The following BSN variants were observed in gnomAD, a reference collection of about 807,000 sequenced individuals.
BSN encodes the protein bassoon presynaptic cytomatrix protein.
Under a neutral mutation model 264.8 loss-of-function variants are expected in BSN, and 57 were observed. The observed-to-expected ratio is 0.22, with a 90% CI of 0.17 to 0.27. BSN has a LOEUF of 0.27. Ranked by LOEUF, BSN falls within the 10% of genes least tolerant of loss-of-function variation. BSN has a pLI of 1.00. For synonymous variants in BSN, 2,059 were observed against 2,137.3 expected (o/e 0.96, Z 1.01); for missense variants, 4,615 against 5,232.5 (o/e 0.88, Z 3.64).
At chr3:49,571,695 T>TA (rs2051797147) in intron 1 of BSN, among the ~76,000 whole-genome samples, 1 of 152,066 alleles carries the variant, frequency 6.6e-6, no homozygotes, top group African/African-American at 2.4e-5. Context: ...CCAACTGCCA[T>TA]GGACATGGGG....
At position 49,670,895 on chromosome 3, in the gene BSN, A is replaced by C. The variant is rs2052749792; in HGVS notation, c.*3410A>C. 1 of 152,216 alleles carries C rather than the reference A, an allele frequency of 6.6e-6. No homozygotes were observed. Among genetic ancestry groups the C allele is most frequent in the Admixed American group, 6.5e-5 (1 of 15,282 alleles). 9.4% of individuals were successfully genotyped at this position (152,216 alleles called of 1,614,324 possible). A position where few individuals can be genotyped will look rare whatever the true frequency, so the allele number is the denominator to read the frequency against. On this transcript the variant is annotated 3_prime_UTR_variant, in exon 12 of 12. Transcript: ENST00000296452. ...GAGTTTTCCAGGCAGGTCCTTTGCC[A>C]GGACAGCATGGTCCTGCCCTGTTGT...
rs142305207 is a variant in BSN at position 49,653,577 on chromosome 3, C to A, written c.4021C>A (p.Arg1341Ser). 6.2e-7 allele frequency: 1 copy of A among 1,613,722 alleles called. No homozygotes were observed. Among genetic ancestry groups the A allele is most frequent in the Non-Finnish European group, 8.5e-7 (1 of 1,179,984 alleles). Residue 1341 changes from arginine to serine, a missense_variant, in exon 5 of 12, where the codon CGT (arginine) becomes AGT (serine). By Grantham distance (110) the Arg-to-Ser change is moderately radical. This residue lies in a region of BSN where 3,415 missense variants were observed against 3,866.4 expected (regional missense o/e 0.88). Coordinates refer to ENST00000296452, the MANE Select transcript of BSN (RefSeq NM_003458.4). This position sits in a 1 kb window ranked among gnomAD's most constrained non-coding sequence, Gnocchi z 6.3. Reference protein sequence around the residue: ...SSGGRVIPDVRVTQHFAKETQ... With the variant: ...SSGGRVIPDVSVTQHFAKETQ... ...CGGGGGCCGAGTTATTCCCGATGTC[C>A]GTGTCACTCAGCATTTTGCAAAGGA...
chr3:49,565,981 CCTGA>C (rs1261372125), intron 1 of BSN, among the ~76,000 whole-genome samples: 6 of 152,120 alleles, frequency 3.9e-5, no homozygotes, highest in African/African-American at 1.4e-4. Flanking sequence ...CACCACCATT[CCTGA>C]CTAATTTTTG....
rs1347649244 is a variant in BSN at position 49,572,380 on chromosome 3, A to AT, written c.224+17557dup. The stretch of plus-strand genomic sequence containing the variant: ...GAGTGGGTGATGGATCAAGGAACAC[A>AT]TTTAGGGGAAAATATCACAATCCAA... On this transcript the variant is annotated intron_variant, in intron 1 of 11. Coordinates refer to ENST00000296452, the MANE Select transcript of BSN (RefSeq NM_003458.4). Among the ~76,000 whole-genome samples the AT allele has an allele frequency of 3.3e-5, 5 of 152,120 alleles. No individual in the cohort carries two copies. The East Asian group carries it at 7.7e-4, about 23-fold the overall frequency.
chr3:49,583,264 T>G (rs2051908605), intron 1 of BSN, among the ~76,000 whole-genome samples: 1 of 152,126 alleles, frequency 6.6e-6, no homozygotes, highest in African/African-American at 2.4e-5. Flanking sequence ...CCACTGTGTC[T>G]GGAACATTGA....
Position 49,581,185 on chromosome 3 carries a change from A to G in BSN, c.224+26359A>G, listed in dbSNP as rs569226224. On this transcript the variant is annotated intron_variant, in intron 1 of 11. Coordinates refer to ENST00000296452, the MANE Select transcript of BSN (RefSeq NM_003458.4). ...TTAGTAGTAAAGACTGGGTTTCGCC[A>G]TGTTGGCCAGGCTGGTCTTGAACTC... Among the ~76,000 whole-genome samples the G allele has an allele frequency of 7.9e-5, 12 of 152,128 alleles. No homozygotes were observed. The South Asian group carries it at 1.2e-3, about 16-fold the overall frequency.
intron 1 of BSN, among the ~76,000 whole-genome samples, chr3:49,605,992 AT>A (rs1284188495): frequency 1.1e-5 from 1 of 92,978 alleles, no homozygotes; most frequent in African/African-American, 4.4e-5. Context: ...TAAATAAAAA[AT>A]ATATATTTAT....
intron 2 of BSN, among the ~76,000 whole-genome samples, chr3:49,637,980 ACCTTAGGGTAGCCCCAGGAAGGCT>A (rs2052431638): frequency 6.6e-6 from 1 of 152,212 alleles, no homozygotes; most frequent in Non-Finnish European, 1.5e-5. Flanking sequence ...AGAGCTGTCC[ACCTTAGGGTAGCCCCAGGAAGGCT>A]CCTGAGACAC....
At chr3:49,557,579 T>TG (rs1415764276) in intron 1 of BSN, among the ~76,000 whole-genome samples, 2 of 149,574 alleles carry the variant, frequency 1.3e-5, no homozygotes, top group African/African-American at 4.9e-5. Context: ...CTGTCAGTTT[T>TG]TTTTTTTTTT....
chr3:49,661,939 T>A lies in BSN; in HGVS notation c.10094T>A (p.Met3365Lys), dbSNP rs1237012744. 6.2e-7 allele frequency: 1 copy of A among 1,613,936 alleles called. No individual in the cohort carries two copies. Among genetic ancestry groups the A allele is most frequent in the South Asian group, 1.1e-5 (1 of 91,078 alleles). ...CGCAGCAAGCACCGGAAGCAGGGCA[T>A]GGAGCAAAAGATATCCAAGTTCTCG... ...SKRSKHRKQG[M>K]EQKISKFSPI... Residue 3365 changes from methionine (M) to lysine (K), a missense_variant, in exon 6 of 12, where the codon ATG (methionine) becomes AAG (lysine). By Grantham distance (95) the Met-to-Lys change is moderately conservative (BLOSUM62 -1). Coordinates refer to ENST00000296452, the MANE Select transcript of BSN (RefSeq NM_003458.4).
At chr3:49,620,350 G>T (rs772716599) in intron 1 of BSN, among the ~76,000 whole-genome samples, 1 of 151,704 alleles carries the variant, frequency 6.6e-6, no homozygotes, top group Non-Finnish European at 1.5e-5. Context: ...GCTTGAACCC[G>T]GGAGGCGGAG....
chr3:49,656,408 A>G lies in BSN; in HGVS notation c.6852A>G (p.Lys2284=). Residue 2284 remains lysine, a synonymous_variant, in exon 5 of 12, where the codon AAA becomes AAG. Transcript: ENST00000296452. ...CAGAAGGGCCTGTCTATCTGGGGAA[A>G]CCTGCTGCTGCCAAGGCCCCTGGGG... ...PPAEGPVYLG[K]PAAAKAPGAG... 1 of 1,589,626 alleles carries G rather than the reference A, an allele frequency of 6.3e-7. No homozygotes were observed. Among genetic ancestry groups the G allele is most frequent in the Non-Finnish European group, 8.6e-7 (1 of 1,167,310 alleles).
At chr3:49,665,466 C>G (rs2052706069) in intron 11 of BSN, 148 bp downstream of exon 11, 1 of 152,328 alleles carries the variant, frequency 6.6e-6, no homozygotes, top group Non-Finnish European at 1.5e-5. Context: ...AGCCCTCTAC[C>G]CCGCAGAGGC....
At chr3:49,659,052 G>A (rs2052633177) in intron 5 of BSN, among the ~76,000 whole-genome samples, 1 of 152,232 alleles carries the variant, frequency 6.6e-6, no homozygotes, top group African/African-American at 2.4e-5. Flanking sequence ...ATGTGGGAGG[G>A]TGGGCTGAAG....
At chr3:49,614,233 G>A (rs2052239391) in intron 1 of BSN, among the ~76,000 whole-genome samples, 1 of 151,818 alleles carries the variant, frequency 6.6e-6, no homozygotes, top group Non-Finnish European at 1.5e-5. Flanking sequence ...CTAATTTTTT[G>A]TATTTTTAGT....
chr3:49,660,908 G>A lies in BSN; in HGVS notation c.9063G>A (p.Arg3021=). The A allele has an allele frequency of 1.2e-6, 2 of 1,612,550 alleles. No individual in the cohort carries two copies. The highest frequency in any genetic ancestry group is 1.7e-6 in the Non-Finnish European group (2 of 1,179,980). The change falls in exon 6 of 12, where the codon CGG becomes CGA. Residue 3021 remains arginine, a synonymous_variant. Coordinates refer to ENST00000296452, the MANE Select transcript of BSN (RefSeq NM_003458.4). The surrounding 1 kb of genome is among the most constrained non-coding windows in gnomAD (Gnocchi z 7.1). ...CGGACAGTGAGCTCAACCAGCTGCG[G>A]CTCCAGGGCTGCACCACTCCCGCTG... ...YLSDSELNQL[R]LQGCTTPAGQ...
chr3:49,646,519 G>A (rs942038340), intron 3 of BSN, among the ~76,000 whole-genome samples: 4 of 152,220 alleles, frequency 2.6e-5, no homozygotes, highest in African/African-American at 9.6e-5. Context: ...CAGGCCAGAG[G>A]TCCTGTTGCC....
At chr3:49,576,306 C>T (rs1289044396) in intron 1 of BSN, among the ~76,000 whole-genome samples, 3 of 152,158 alleles carry the variant, frequency 2.0e-5, no homozygotes, top group Non-Finnish European at 4.4e-5. Context: ...AGCTTCCAGG[C>T]TCTTGTCTCC....
At chr3:49,608,913 A>G (rs543019873) in intron 1 of BSN, among the ~76,000 whole-genome samples, 1 of 151,938 alleles carries the variant, frequency 6.6e-6, no homozygotes, top group East Asian at 1.9e-4. Flanking sequence ...TTCATGCTGC[A>G]TGCAGGTGAG....
Sources: gnomAD v4.1 joint callset for allele counts (sites outside exome capture counted in the v4.1 genomes callset) on GRCh38, gnomAD v4.1.1 for gene constraint, gnomAD v4.1.1 regional missense constraint, Gnocchi (gnomAD v3.1) non-coding constraint, MANE v1.5 for transcripts, NCBI Gene and HGNC (gene_info 2026-07-23, HGNC 2026-07-21) for gene names.